CCDC171: variants seen among roughly 807,000 people sequenced by gnomAD.
The protein encoded by CCDC171 is coiled-coil domain containing 171, also known as coiled-coil domain-containing protein 171.
In CCDC171, 177 loss-of-function variants were observed where a neutral mutation model predicts 168.2. That is an observed-to-expected ratio of 1.05 (90% confidence interval 0.93 to 1.19). The LOEUF (loss-of-function observed/expected upper bound fraction) is 1.19, where lower values mean the gene tolerates loss of function less well. CCDC171 is among the 50% of genes most tolerant of loss of function. The pLI is 0.00. For synonymous variants in CCDC171, 687 were observed against 540.8 expected (o/e 1.27, Z -3.75); for missense variants, 1,991 against 1,539.0 (o/e 1.29, Z -4.91).
At chr9:15,736,732 C>T (rs7865193) in intron 16 of CCDC171, among the ~76,000 whole-genome samples, 1 of 151,936 alleles carries the variant, frequency 6.6e-6, no homozygotes, top group Non-Finnish European at 1.5e-5. Flanking sequence ...GTGGAGTGCA[C>T]TGCTGCAGTC....
chr9:15,824,217 A>T (rs997672695), intron 21 of CCDC171, among the ~76,000 whole-genome samples: 1 of 152,208 alleles, frequency 6.6e-6, no homozygotes, highest in South Asian at 2.1e-4. Context: ...GTATATGTAT[A>T]TACATACACT....
At chr9:16,049,592 C>T (rs754618454) in intron 1 of CCDC171, among the ~76,000 whole-genome samples, 7 of 152,160 alleles carry the variant, frequency 4.6e-5, no homozygotes, top group Non-Finnish European at 7.4e-5. Flanking sequence ...CCAGGACTTA[C>T]ACCAGCAGCA....
chr9:15,778,331 A>T (rs2057453465), intron 19 of CCDC171, among the ~76,000 whole-genome samples: 1 of 119,810 alleles, frequency 8.3e-6, no homozygotes, highest in African/African-American at 3.3e-5. Context: ...AAAAAAAAAA[A>T]AAAAAAAAAA....
chr9:15,606,436 T>G (rs996284471), intron 6 of CCDC171, among the ~76,000 whole-genome samples: 2 of 152,226 alleles, frequency 1.3e-5, no homozygotes, highest in African/African-American at 4.8e-5. Context: ...AGCACCAGTT[T>G]ATGCTCTATA....
chr9:15,874,321 C>T (rs543273601), intron 23 of CCDC171, among the ~76,000 whole-genome samples: 36 of 152,134 alleles, frequency 2.4e-4, no homozygotes, highest in African/African-American at 8.7e-4. Context: ...TCATTTCAAG[C>T]AGGAGGATGC....
chr9:15,922,575 T>TG (rs1373705991), intron 25 of CCDC171, among the ~76,000 whole-genome samples: 3 of 151,652 alleles, frequency 2.0e-5, no homozygotes, highest in Non-Finnish European at 3.0e-5. Flanking sequence ...TCATTTCCTT[T>TG]GGATATATAC....
At chr9:15,630,051 C>T (rs190890861) in intron 7 of CCDC171, among the ~76,000 whole-genome samples, 571 of 152,274 alleles carry the variant, frequency 3.7e-3, no homozygotes, top group African/African-American at 0.012. Flanking sequence ...AAGGAACAAC[C>T]GGTACCAGCC....
intron 19 of CCDC171, among the ~76,000 whole-genome samples, chr9:15,778,340 A>AAT: frequency 4.0e-5 from 4 of 101,158 alleles, no homozygotes; most frequent in African/African-American, 1.5e-4. Context: ...AAAAAAAAAA[A>AAT]AAAAAAAAAA....
At position 15,660,288 on chromosome 9, in the gene CCDC171, C is replaced by T. The variant is rs545308021; in HGVS notation, c.915+3069C>T. Among the ~76,000 whole-genome samples, 20 of 152,146 alleles carry T rather than the reference C, an allele frequency of 1.3e-4. No individual in the cohort carries two copies. The South Asian group carries it at 4.1e-3, about 32-fold the overall frequency. The stretch of plus-strand genomic sequence containing the variant: ...CAATAAGTAATAAGACTGAAGTTTT[C>T]TTTTTCTTTTCTTTTCTTTGTTTCC... On this transcript the variant is annotated intron_variant, in intron 8 of 25. Transcript: ENST00000380701.
Position 15,729,812 on chromosome 9 carries a change from A to T in CCDC171, c.2049+14A>T. ...AAGAGGGCACAGGTATGCTACCTTT[A>T]CAAAGAGCTTTAAAAAATGGGTTAC... is the stretch of plus-strand genomic sequence containing the variant. On this transcript the variant is annotated intron_variant, in intron 16 of 25. Coordinates refer to ENST00000380701, the MANE Select transcript of CCDC171 (RefSeq NM_173550.4). 5 of 1,588,854 alleles carry T rather than the reference A, an allele frequency of 3.1e-6. No homozygotes were observed. Among genetic ancestry groups the T allele is most frequent in the Non-Finnish European group, 4.3e-6 (5 of 1,167,006 alleles).
chr9:16,093,573 A>G, the CCDC171 span, among the ~76,000 whole-genome samples: 2 of 152,234 alleles, frequency 1.3e-5, no homozygotes, highest in African/African-American at 2.4e-5. Flanking sequence ...AAAGAATAGT[A>G]ATTTAAGAAG....
At chr9:15,618,968 C>G (rs951020820) in intron 6 of CCDC171, among the ~76,000 whole-genome samples, 4 of 152,096 alleles carry the variant, frequency 2.6e-5, no homozygotes, top group Non-Finnish European at 4.4e-5. Flanking sequence ...CGTGGCCCCT[C>G]CCCGCCCTGT....
intron 7 of CCDC171, among the ~76,000 whole-genome samples, chr9:15,645,083 G>T (rs1451985306): frequency 2.0e-5 from 3 of 152,206 alleles, no homozygotes; most frequent in African/African-American, 7.2e-5. Context: ...TGGCTGTTCA[G>T]CAATATTTGC....
intron 25 of CCDC171, among the ~76,000 whole-genome samples, chr9:15,960,566 A>T (rs576528066): frequency 1.3e-5 from 2 of 152,180 alleles, no homozygotes; most frequent in African/African-American, 4.8e-5. Flanking sequence ...GTTACATAAG[A>T]TGTTCTCCCT....
chr9:15,558,603 A>G (rs2039005594), intron 1 of CCDC171, among the ~76,000 whole-genome samples: 2 of 151,402 alleles, frequency 1.3e-5, no homozygotes, highest in Admixed American at 6.6e-5. Context: ...TTTTTATTAC[A>G]TCTTTGATTC....
chr9:15,920,523 A>C lies in CCDC171; in HGVS notation c.3753+101A>C, dbSNP rs1589131770. The C allele has an allele frequency of 4.9e-6, 4 of 815,440 alleles. No homozygotes were observed. In the East Asian group the frequency reaches 1.1e-4, roughly 22 times the overall value. The allele number at this position is 815,440 out of a possible 1,614,324, so 50.5% of individuals were successfully genotyped here. On this transcript the variant is annotated intron_variant, in intron 25 of 25. Coordinates refer to ENST00000380701, the MANE Select transcript of CCDC171 (RefSeq NM_173550.4). ...ATAAGATCATTTGCCAATATATATA[A>C]TTTAGGGTAAATGATCAATCAAGTG...
intron 21 of CCDC171, among the ~76,000 whole-genome samples, chr9:15,840,211 A>T (rs1182053509): frequency 6.6e-6 from 1 of 152,144 alleles, no homozygotes; most frequent in Non-Finnish European, 1.5e-5. Flanking sequence ...TTTTATTTAA[A>T]TATTAGAAAC....
chr9:15,811,343 CAT>C (rs1192844065), intron 21 of CCDC171, among the ~76,000 whole-genome samples: 1 of 152,164 alleles, frequency 6.6e-6, no homozygotes, highest in Non-Finnish European at 1.5e-5. Flanking sequence ...TTATTGGAAA[CAT>C]TACACAAATA....
At chr9:15,908,855 A>G (rs1013765505) in intron 24 of CCDC171, among the ~76,000 whole-genome samples, 1 of 152,138 alleles carries the variant, frequency 6.6e-6, no homozygotes, top group Non-Finnish European at 1.5e-5. Flanking sequence ...TTAAAGCACC[A>G]AGCCATGAGG....
Sources: allele counts gnomAD v4.1 joint callset (sites outside exome capture counted in the v4.1 genomes callset), GRCh38; gene constraint gnomAD v4.1.1; transcripts MANE v1.5; gene names NCBI Gene and HGNC (gene_info 2026-07-23, HGNC 2026-07-21).